Variants in FAAP24 observed in about 807,000 individuals in gnomAD.
FAAP24 encodes the protein FA core complex associated protein 24.
A neutral mutation model predicts 14.3 loss-of-function variants in FAAP24; 16 were observed. The ratio of observed to expected loss-of-function variants is 1.12; its 90% CI spans 0.76 to 1.69. The LOEUF (loss-of-function observed/expected upper bound fraction) is 1.69, where lower values mean the gene tolerates loss of function less well. Among genes scored for constraint, FAAP24 ranks in the 40% most tolerant of loss-of-function variants. The pLI is 0.00. For synonymous variants in FAAP24, 111 were observed against 106.2 expected (o/e 1.04, Z -0.28); for missense variants, 234 against 262.7 (o/e 0.89, Z 0.75).
Position 32,977,470 on chromosome 19 carries a change from C to G in FAAP24, c.*788C>G. The G allele has an allele frequency of 2.5e-6, 1 of 398,528 alleles. No individual in the cohort carries two copies. The highest frequency in any genetic ancestry group is 3.6e-5 in the East Asian group (1 of 28,074). 24.7% of individuals were successfully genotyped at this position (398,528 alleles called of 1,614,324 possible). ...ATACCCGTACTGCGAGGGCTGTTTCCAATGTAAATAAATAACTGCGCAACA... is the reference window on the plus strand; with the variant it reads ...ATACCCGTACTGCGAGGGCTGTTTCGAATGTAAATAAATAACTGCGCAACA... On this transcript the variant is annotated 3_prime_UTR_variant, in exon 5 of 5. Coordinates refer to ENST00000588258, the MANE Select transcript of FAAP24 (RefSeq NM_152266.5).
intron 1 of FAAP24, among the ~76,000 whole-genome samples, chr19:32,972,734 G>A (rs76905173): frequency 3.3e-5 from 1 of 30,016 alleles, no homozygotes; most frequent in African/African-American, 1.4e-4. Flanking sequence ...TTTTTTTTTT[G>A]AGACGAGTCT....
In FAAP24 at chr19:32,974,237, G is replaced by A. The variant is rs189096151; in HGVS notation, c.396+25G>A. 3.3e-5 allele frequency: 53 copies of A among 1,602,596 alleles called. No individual in the cohort carries two copies. In the Admixed American group the frequency reaches 6.3e-4, roughly 19 times the overall value. On this transcript the variant is annotated intron_variant, in intron 4 of 4. Transcript: ENST00000588258. ...GGTGAGTACCGATTCCTACACCTTC[G>A]TGGTAGTCCTGTCCTCATGGACACT...
In FAAP24 at chr19:32,976,774, G is replaced by A; in HGVS notation, c.*92G>A. The A allele has an allele frequency of 6.6e-7, 1 of 1,506,520 alleles. No individual in the cohort carries two copies. The highest frequency in any genetic ancestry group is 9.0e-7 in the Non-Finnish European group (1 of 1,113,762). 93.3% of individuals were successfully genotyped at this position (1,506,520 alleles called of 1,614,324 possible). Reference sequence around the variant, plus strand: ...TAAAAACCAAGAGAATGGGCCGGGTGCACTGGCTCACGCCTCTAATCTCAG... The same window carrying A: ...TAAAAACCAAGAGAATGGGCCGGGTACACTGGCTCACGCCTCTAATCTCAG... On this transcript the variant is annotated 3_prime_UTR_variant, in exon 5 of 5. Coordinates refer to ENST00000588258, the MANE Select transcript of FAAP24 (RefSeq NM_152266.5).
In FAAP24 at chr19:32,976,485, G is replaced by T. The variant is rs766243491; in HGVS notation, c.451G>T (p.Ala151Ser). The change falls in exon 5 of 5, where the codon GCC becomes TCC. Residue 151 changes from alanine (A) to serine (S), a missense_variant. Physicochemically the swap from Ala to Ser is moderately conservative, Grantham distance 99 (BLOSUM62 1). Transcript: ENST00000588258. ...SKNPLLGKKR[A>S]LLLSEPSLLR... ...GAACCCTCTTCTCGGGAAGAAACGG[G>T]CCCTGCTGCTGTCTGAGCCTTCGCT... 14 of 1,614,208 alleles carry T rather than the reference G, an allele frequency of 8.7e-6. No homozygotes were observed. In the East Asian group the frequency reaches 2.5e-4, roughly 28 times the overall value.
At chr19:32,973,163 G>C (rs201600933) in intron 1 of FAAP24, 21 bp from the exon 2 acceptor site, 1 of 1,601,802 alleles carries the variant, frequency 6.2e-7, no homozygotes, top group East Asian at 2.2e-5. Context: ...CTCAAGTGCC[G>C]CCTGGCTTTT....
Position 32,977,543 on chromosome 19 carries a change from T to C in FAAP24, c.*861T>C, listed in dbSNP as rs1401251513. ...TCCTCCCTCCCCCCGGCCTTTTTTT[T>C]TGGCAGATGTACAGTTTGTTTATAA... On this transcript the variant is annotated 3_prime_UTR_variant, in exon 5 of 5. Coordinates refer to ENST00000588258, the MANE Select transcript of FAAP24 (RefSeq NM_152266.5). 7.5e-6 allele frequency: 3 copies of C among 398,034 alleles called. No individual in the cohort carries two copies. The highest frequency in any genetic ancestry group is 4.1e-5 in the African/African-American group (2 of 48,532). The allele number at this position is 398,034 out of a possible 1,614,324, so 24.7% of individuals were successfully genotyped here.
intron 4 of FAAP24, among the ~76,000 whole-genome samples, chr19:32,976,215 C>T (rs1298962613): frequency 6.6e-6 from 1 of 152,224 alleles, no homozygotes; most frequent in African/African-American, 2.4e-5. Flanking sequence ...TGAAAACGCA[C>T]ATTTTTGTAA....
At position 32,977,069 on chromosome 19, in the gene FAAP24, GAA is replaced by G. The variant is rs948777914; in HGVS notation, c.*391_*392del. 2 of 394,098 alleles carry G rather than the reference GAA, an allele frequency of 5.1e-6. No homozygotes were observed. The highest frequency in any genetic ancestry group is 8.8e-6 in the Non-Finnish European group (2 of 226,242). 24.4% of individuals were successfully genotyped at this position (394,098 alleles called of 1,614,324 possible). A position where few individuals can be genotyped will look rare whatever the true frequency, so the allele number is the denominator to read the frequency against. ...GAAAACAACAAAAAAAAAAAAAAAA[GAA>G]AAAGGATTTTCTCCAGCAGCAACCA... On this transcript the variant is annotated 3_prime_UTR_variant, in exon 5 of 5. Coordinates refer to ENST00000588258, the MANE Select transcript of FAAP24 (RefSeq NM_152266.5).
intron 4 of FAAP24, among the ~76,000 whole-genome samples, chr19:32,974,545 A>T (rs949873185): frequency 6.6e-6 from 1 of 152,120 alleles, no homozygotes; most frequent in Non-Finnish European, 1.5e-5. Context: ...GCACTTTGGG[A>T]GGCGGAGGCG....
At position 32,976,782 on chromosome 19, in the gene FAAP24, TC is replaced by T. The variant is rs1365808103; in HGVS notation, c.*101del. The T allele has an allele frequency of 9.6e-6, 14 of 1,459,026 alleles. No homozygotes were observed. The highest frequency in any genetic ancestry group is 2.8e-5 in the African/African-American group (2 of 71,142). 90.4% of individuals were successfully genotyped at this position (1,459,026 alleles called of 1,614,324 possible). ...AAGAGAATGGGCCGGGTGCACTGGC[TC>T]ACGCCTCTAATCTCAGCACTTTGGG... On this transcript the variant is annotated 3_prime_UTR_variant, in exon 5 of 5. Coordinates refer to ENST00000588258, the MANE Select transcript of FAAP24 (RefSeq NM_152266.5).
rs148106526 is a variant in FAAP24, at chr19:32,976,669, C to T, written c.635C>T (p.Thr212Met). 2.6e-3 allele frequency: 4,163 copies of T among 1,614,128 alleles called. 13 individuals are homozygous for T. Among genetic ancestry groups the T allele is most frequent in the Middle Eastern group, 3.8e-3 (23 of 6,046 alleles). Residue 212 changes from threonine to methionine, a missense_variant, in exon 5 of 5, where the codon ACG (threonine) becomes ATG (methionine). Transcript: ENST00000588258. ...GCACAGCAGATCCATGCCTTCTTCA[C>T]GCAGCCCAGGTGAGGGCTGGCCTCA... The part of the protein sequence containing the change: ...AVAQQIHAFF[T>M]QPR
chr19:32,978,000 A>G lies in FAAP24; in HGVS notation c.*1318A>G, dbSNP rs576144907. On this transcript the variant is annotated 3_prime_UTR_variant, in exon 5 of 5. Transcript: ENST00000588258. ...GCTGTGTTTGTATATGAAAGGCCCA[A>G]CAATGGAAGGATACAAGAAAATGAT... 1.3e-5 allele frequency: 2 copies of G among 152,310 alleles called. No individual in the cohort carries two copies. Among genetic ancestry groups the G allele is most frequent in the East Asian group, 1.9e-4 (1 of 5,180 alleles). 9.4% of individuals were successfully genotyped at this position (152,310 alleles called of 1,614,324 possible).
chr19:32,972,751 G>T (rs1275211069), intron 1 of FAAP24, among the ~76,000 whole-genome samples: 1 of 117,522 alleles, frequency 8.5e-6, no homozygotes, highest in African/African-American at 3.4e-5. Flanking sequence ...GTCTTGCTCT[G>T]TCGCCCAGGC....
chr19:32,975,460 CTT>C (rs35704162), intron 4 of FAAP24, among the ~76,000 whole-genome samples: 21 of 137,236 alleles, frequency 1.5e-4, no homozygotes, highest in South Asian at 2.3e-4. Context: ...CCAACCAACA[CTT>C]TTTTTTTTTT....
chr19:32,976,286 A>G, intron 4 of FAAP24, 145 bp from the exon 5 acceptor site: 1 of 1,015,088 alleles, frequency 9.9e-7, no homozygotes, highest in South Asian at 1.8e-5. Flanking sequence ...TGTCTGAGAA[A>G]TTATATTCAT....
intron 1 of FAAP24, among the ~76,000 whole-genome samples, chr19:32,972,868 C>T (rs2145988247): frequency 6.6e-6 from 1 of 151,980 alleles, no homozygotes; most frequent in East Asian, 1.9e-4. Flanking sequence ...TGCCCACCAC[C>T]AAGCCCGGCT....
chr19:32,972,288 T>G lies in FAAP24; in HGVS notation c.-72T>G, dbSNP rs762825074. On this transcript the variant is annotated 5_prime_UTR_variant, in exon 1 of 5. Coordinates refer to ENST00000588258, the MANE Select transcript of FAAP24 (RefSeq NM_152266.5). ...GCCACCAGTAACATGATCTCTAGAC[T>G]GGGACGGTGGGGTTCCTGCCGGCTG... The G allele has an allele frequency of 2.3e-6, 1 of 430,180 alleles. No homozygotes were observed. Among genetic ancestry groups the G allele is most frequent in the South Asian group, 7.1e-5 (1 of 14,106 alleles). The allele number at this position is 430,180 out of a possible 1,614,324, so 26.6% of individuals were successfully genotyped here.
chr19:32,977,454 C>G lies in FAAP24; in HGVS notation c.*772C>G. ...CAGGTCTGGCCTTCATATACCCGTA[C>G]TGCGAGGGCTGTTTCCAATGTAAAT... On this transcript the variant is annotated 3_prime_UTR_variant, in exon 5 of 5. Coordinates refer to ENST00000588258, the MANE Select transcript of FAAP24 (RefSeq NM_152266.5). The G allele has an allele frequency of 2.5e-6, 1 of 398,590 alleles. No homozygotes were observed. Among genetic ancestry groups the G allele is most frequent in the East Asian group, 3.6e-5 (1 of 28,086 alleles). The allele number at this position is 398,590 out of a possible 1,614,324, so 24.7% of individuals were successfully genotyped here.
intron 3 of FAAP24, 97 bp downstream of exon 3, chr19:32,973,659 A>G: frequency 7.8e-7 from 1 of 1,282,144 alleles, no homozygotes; most frequent in South Asian, 1.3e-5. Context: ...GTTGGAGACC[A>G]GCCTGGCCAA....
Sources: allele counts gnomAD v4.1 joint callset (sites outside exome capture counted in the v4.1 genomes callset), GRCh38; gene constraint gnomAD v4.1.1; transcripts MANE v1.5; gene names NCBI Gene and HGNC (gene_info 2026-07-23, HGNC 2026-07-21).